Variants in UPB1 observed in about 807,000 individuals in gnomAD.
The protein encoded by UPB1 is beta-ureidopropionase.
A neutral mutation model predicts 49.1 loss-of-function variants in UPB1; 40 were observed. The observed-to-expected ratio is 0.81, with a 90% CI of 0.63 to 1.06. The LOEUF (loss-of-function observed/expected upper bound fraction) is 1.06. UPB1 is among the 50% of genes least tolerant of loss of function. The pLI, the probability that UPB1 is intolerant of heterozygous loss-of-function variation, is 0.00. For missense variants in UPB1, 499 were observed against 505.9 expected (o/e 0.99, Z 0.13); for synonymous variants, 207 against 198.2 (o/e 1.04, Z -0.38).
chr22:24,514,335 G>A (rs190962364), intron 5 of UPB1, among the ~76,000 whole-genome samples: 43 of 152,218 alleles, frequency 2.8e-4, no homozygotes, highest in African/African-American at 7.7e-4. Flanking sequence ...GTGGGAAGAC[G>A]CGCCCCTCAC....
chr22:24,498,640 G>A (rs1024429042), intron 1 of UPB1, among the ~76,000 whole-genome samples: 1 of 152,206 alleles, frequency 6.6e-6, no homozygotes, highest in Admixed American at 6.5e-5. Context: ...ATCACTTGGG[G>A]GAAGAAGGGT....
chr22:24,503,155 G>A (rs2044024898), intron 3 of UPB1: 1 of 152,236 alleles, frequency 6.6e-6, no homozygotes, highest in South Asian at 2.1e-4. Flanking sequence ...AGTTTGCTTT[G>A]TTTTCTACTT....
intron 3 of UPB1, 73 bp from the exon 4 acceptor site, chr22:24,510,676 G>A (rs561353504): frequency 6.8e-5 from 102 of 1,496,722 alleles, no homozygotes; most frequent in African/African-American, 1.9e-4. Flanking sequence ...GTGACTTCCC[G>A]CTGCTGGGCT....
intron 1 of UPB1, among the ~76,000 whole-genome samples, chr22:24,496,404 T>TACACACACACACACACACACAC (rs1012330972): frequency 7.9e-6 from 1 of 126,894 alleles, no homozygotes; most frequent in Non-Finnish European, 1.7e-5. Flanking sequence ...CACACACACA[T>TACACACACACACACACACACAC]ACACACACAC....
chr22:24,505,021 G>A (rs760183914), intron 3 of UPB1, among the ~76,000 whole-genome samples: 6 of 150,922 alleles, frequency 4.0e-5, no homozygotes, highest in Admixed American at 2.0e-4. Context: ...AACTATAGGC[G>A]TGAGCCACAG....
chr22:24,513,164 T>TA (rs1284267156), intron 4 of UPB1, among the ~76,000 whole-genome samples, 160 bp from the exon 5 acceptor site: 1 of 152,212 alleles, frequency 6.6e-6, no homozygotes, highest in African/African-American at 2.4e-5. Context: ...GATTCTTATT[T>TA]AGCAAAGCAT....
At chr22:24,523,574 T>G in intron 8 of UPB1, 45 bp from the exon 9 acceptor site, 11 of 1,612,346 alleles carry the variant, frequency 6.8e-6, no homozygotes, top group Non-Finnish European at 9.3e-6. Flanking sequence ...GAGCCCACAG[T>G]GCATCTACAC....
intron 3 of UPB1, among the ~76,000 whole-genome samples, chr22:24,506,542 C>G (rs2044095267): frequency 6.6e-6 from 1 of 152,174 alleles, no homozygotes; most frequent in Non-Finnish European, 1.5e-5. Context: ...GTGCACCATC[C>G]TTGTTGGGTA....
chr22:24,511,878 G>A (rs2044212188), intron 4 of UPB1, among the ~76,000 whole-genome samples: 2 of 152,076 alleles, frequency 1.3e-5, no homozygotes, highest in African/African-American at 4.8e-5. Context: ...GCCTCCCAAA[G>A]TGCTGGGATT....
At chr22:24,521,344 G>A (rs1045570246) in intron 7 of UPB1, among the ~76,000 whole-genome samples, 16 of 151,878 alleles carry the variant, frequency 1.1e-4, no homozygotes, top group Non-Finnish European at 2.1e-4. Flanking sequence ...TTAGCCGGGC[G>A]CGGTGGTAGG....
In UPB1 at chr22:24,500,288, C is replaced by G. The variant is rs2043969813; in HGVS notation, c.276+10C>G. ...CCCTGTGGCAGAACAGGTGCAGACT[C>G]TTTTGACCATAATAAATACACAAAC... is the stretch of plus-strand genomic sequence containing the variant. On this transcript the variant is annotated intron_variant, in intron 2 of 9. Coordinates refer to ENST00000326010, the MANE Select transcript of UPB1 (RefSeq NM_016327.3). The G allele has an allele frequency of 6.2e-7, 1 of 1,613,860 alleles. No homozygotes were observed. Among genetic ancestry groups the G allele is most frequent in the Non-Finnish European group, 8.5e-7 (1 of 1,180,032 alleles).
At chr22:24,502,677 T>C (rs899632253) in intron 3 of UPB1, 7 of 605,518 alleles carry the variant, frequency 1.2e-5, no homozygotes, top group African/African-American at 1.8e-5. Flanking sequence ...CAAGGTCTGT[T>C]ACCAAAAAAT....
At chr22:24,499,256 A>C (rs1486410928) in intron 1 of UPB1, among the ~76,000 whole-genome samples, 1 of 152,212 alleles carries the variant, frequency 6.6e-6, no homozygotes, top group East Asian at 1.9e-4. Flanking sequence ...TATTATTATT[A>C]GATAATGGCT....
At position 24,495,526 on chromosome 22, in the gene UPB1, A is replaced by G. The variant is rs1477302929; in HGVS notation, c.104+19A>G. 8 of 1,613,158 alleles carry G rather than the reference A, an allele frequency of 5.0e-6. No individual in the cohort carries two copies. The highest frequency in any genetic ancestry group is 6.8e-6 in the Non-Finnish European group (8 of 1,179,658). ...AACTCAGGTCCGCAGCCAAGAGGCT[A>G]AGCTAATGGGGTCTTGGGGCCACAG... On this transcript the variant is annotated intron_variant, in intron 1 of 9. Transcript: ENST00000326010.
At chr22:24,497,019 C>T (rs1026095744) in intron 1 of UPB1, among the ~76,000 whole-genome samples, 25 of 152,232 alleles carry the variant, frequency 1.6e-4, no homozygotes, top group Non-Finnish European at 2.9e-4. Flanking sequence ...GGAACACTGT[C>T]CCTCTTTCTC....
Sources: gnomAD v4.1 joint callset for allele counts (sites outside exome capture counted in the v4.1 genomes callset) on GRCh38, gnomAD v4.1.1 for gene constraint, MANE v1.5 for transcripts, NCBI Gene and HGNC (gene_info 2026-07-23, HGNC 2026-07-21) for gene names.